SYCP2L: variants seen among roughly 807,000 people sequenced by gnomAD.
SYCP2L encodes the protein synaptonemal complex protein 2-like.
Under a neutral mutation model 125.8 loss-of-function variants are expected in SYCP2L, and 98 were observed. That is an observed-to-expected ratio of 0.78 (90% CI 0.66 to 0.92). The LOEUF is 0.92. Among genes scored for constraint, SYCP2L ranks in the 40% least tolerant of loss-of-function variants. SYCP2L has a pLI of 0.00. For synonymous variants in SYCP2L, 317 were observed against 325.4 expected, an observed-to-expected ratio of 0.97 and a Z score of 0.28; for missense variants, 842 against 936.4, an observed-to-expected ratio of 0.90 and a Z score of 1.32.
chr6:10,907,385 A>G (rs1295929910), intron 9 of SYCP2L, among the ~76,000 whole-genome samples, 157 bp from the exon 10 acceptor site: 1 of 152,128 alleles, frequency 6.6e-6, no homozygotes, highest in Non-Finnish European at 1.5e-5. Flanking sequence ...AAATGATTCT[A>G]ATTACTCCAG....
intron 14 of SYCP2L, among the ~76,000 whole-genome samples, chr6:10,924,244 T>C (rs1178004828): frequency 6.6e-6 from 1 of 152,236 alleles, no homozygotes; most frequent in Non-Finnish European, 1.5e-5. Context: ...CTTCATTTCT[T>C]TGCTGCTAAG....
chr6:10,893,575 A>C (rs1388385411), intron 2 of SYCP2L, among the ~76,000 whole-genome samples: 1 of 152,148 alleles, frequency 6.6e-6, no homozygotes, highest in Non-Finnish European at 1.5e-5. Flanking sequence ...TTCAGCATGC[A>C]CGAGAATCAC....
At position 10,968,918 on chromosome 6, in the gene SYCP2L, G is replaced by A. The variant is rs939132371; in HGVS notation, c.*38-5034G>A. On this transcript the variant is annotated intron_variant, in intron 29 of 29. Transcript: ENST00000283141. ...CATCAGCTGATGGTGGTACCACTTCGTGAGTTTTCTGGCAGAGTCATGGAG... is the reference window on the plus strand; with the variant it reads ...CATCAGCTGATGGTGGTACCACTTCATGAGTTTTCTGGCAGAGTCATGGAG... 3.3e-5 allele frequency among the ~76,000 whole-genome samples: 5 copies of A among 152,302 alleles called. No individual in the cohort carries two copies. The East Asian group carries it at 5.8e-4, about 18-fold the overall frequency.
chr6:10,915,149 C>T (rs57256105), intron 14 of SYCP2L, among the ~76,000 whole-genome samples: 255 of 152,172 alleles, frequency 1.7e-3, no homozygotes, highest in African/African-American at 5.8e-3. Flanking sequence ...GAAGAGCTAC[C>T]GATTTGTGTA....
chr6:10,924,269 A>G (rs79588276), intron 14 of SYCP2L, among the ~76,000 whole-genome samples: 5,351 of 152,310 alleles, frequency 0.035, 133 homozygotes, highest in Non-Finnish European at 0.05. Flanking sequence ...GTTACTTCCA[A>G]TGTTTGCAAG....
Position 10,959,809 on chromosome 6 carries a change from C to T in SYCP2L, c.2255+934C>T, listed in dbSNP as rs148022143. ...GCTTGAACTCGGGAGGCGGAGGTTG[C>T]GGTGAGCTGAGATCATGCCATTGCA... is the stretch of plus-strand genomic sequence containing the variant. On this transcript the variant is annotated intron_variant, in intron 26 of 29. Transcript: ENST00000283141. Among the ~76,000 whole-genome samples, 1,181 of 148,390 alleles carry T rather than the reference C, an allele frequency of 8.0e-3. 20 individuals are homozygous for T. Among genetic ancestry groups the T allele is most frequent in the African/African-American group, 0.027 (1,094 of 40,532 alleles).
intron 21 of SYCP2L, among the ~76,000 whole-genome samples, chr6:10,939,194 T>C (rs553453696): frequency 6.6e-6 from 1 of 152,004 alleles, no homozygotes; most frequent in African/African-American, 2.4e-5. Flanking sequence ...TGAAAGGTCA[T>C]AATCTGAAAA....
chr6:10,892,304 AGTTTT>A (rs1247463546), intron 2 of SYCP2L, among the ~76,000 whole-genome samples: 2 of 152,126 alleles, frequency 1.3e-5, no homozygotes, highest in Non-Finnish European at 1.5e-5. Flanking sequence ...GCCATGGCAA[AGTTTT>A]GTTTTGTTTT....
At chr6:10,903,372 C>T (rs990253149) in intron 8 of SYCP2L, among the ~76,000 whole-genome samples, 1 of 152,078 alleles carries the variant, frequency 6.6e-6, no homozygotes, top group African/African-American at 2.4e-5. Context: ...CACAGTGAAA[C>T]CCTGTCTCCA....
chr6:10,902,936 C>G lies in SYCP2L; in HGVS notation c.614C>G (p.Pro205Arg). 1.9e-6 allele frequency: 3 copies of G among 1,614,116 alleles called. No homozygotes were observed. The highest frequency in any genetic ancestry group is 2.2e-5 in the South Asian group (2 of 91,060). Reference sequence around the variant, plus strand: ...CCTCGAGAAGAGAGAAAAAAATTCCCTTTGTCAGAAGGCATGTGTCATCTT... The same window carrying G: ...CCTCGAGAAGAGAGAAAAAAATTCCGTTTGTCAGAAGGCATGTGTCATCTT... Reference protein sequence around the residue: ...AVPREERKKFPLSEGMCHLMK... With the variant: ...AVPREERKKFRLSEGMCHLMK... The change falls in exon 8 of 30, where the codon CCT becomes CGT. Residue 205 changes from proline to arginine, a missense_variant. Coordinates refer to ENST00000283141, the MANE Select transcript of SYCP2L (RefSeq NM_001040274.3).
rs143836393 is a variant in SYCP2L, at chr6:10,908,523, A to G, written c.819+839A>G. On this transcript the variant is annotated intron_variant, in intron 10 of 29. Coordinates refer to ENST00000283141, the MANE Select transcript of SYCP2L (RefSeq NM_001040274.3). ...AAAATAGCGTATGGCTTTGCTGTGT[A>G]TTCACCTTCATCTTAAAATAGCTAG... Among the ~76,000 whole-genome samples, 15 of 152,208 alleles carry G rather than the reference A, an allele frequency of 9.9e-5. No individual in the cohort carries two copies. The East Asian group carries it at 2.5e-3, about 25-fold the overall frequency.
At chr6:10,911,841 T>C (rs896229979) in intron 12 of SYCP2L, among the ~76,000 whole-genome samples, 3 of 151,280 alleles carry the variant, frequency 2.0e-5, no homozygotes, top group Non-Finnish European at 2.9e-5. Flanking sequence ...TATTGGAAAG[T>C]TGGATTGTAG....
At position 10,912,524 on chromosome 6, in the gene SYCP2L, A is replaced by G; in HGVS notation, c.919-149A>G. On this transcript the variant is annotated intron_variant, in intron 12 of 29. Transcript: ENST00000283141. This position sits in a 1 kb window ranked among gnomAD's most constrained non-coding sequence, Gnocchi z 4.1. ...TAAAATTGAGATCCTTCTGTTTTGC[A>G]CAAAAGAGTCAGTCAATAGAGGCCC... 1.7e-6 allele frequency: 1 copy of G among 591,116 alleles called. No individual in the cohort carries two copies. Among genetic ancestry groups the G allele is most frequent in the Non-Finnish European group, 2.9e-6 (1 of 343,050 alleles). The allele number at this position is 591,116 out of a possible 1,614,324, so 36.6% of individuals were successfully genotyped here.
At chr6:10,926,287 T>C (rs1780895413) in intron 15 of SYCP2L, 52 bp from the exon 16 acceptor site, 2 of 1,353,866 alleles carry the variant, frequency 1.5e-6, no homozygotes, top group Admixed American at 2.0e-5. Context: ...TTAAATTTTT[T>C]TTTTTTTAAA....
chr6:10,945,797 G>A (rs1208705497), intron 23 of SYCP2L, among the ~76,000 whole-genome samples: 1 of 138,980 alleles, frequency 7.2e-6, no homozygotes. Flanking sequence ...AAAAAAAAGA[G>A]TAAGTCTTTA....
At chr6:10,925,948 G>T (rs1344691099) in intron 15 of SYCP2L, among the ~76,000 whole-genome samples, 1 of 152,200 alleles carries the variant, frequency 6.6e-6, no homozygotes, top group African/African-American at 2.4e-5. Context: ...AGAATAGGAG[G>T]CCCCTATTCT....
chr6:10,935,024 A>G, intron 20 of SYCP2L, 34 bp from the exon 21 acceptor site: 1 of 1,521,920 alleles, frequency 6.6e-7, no homozygotes, highest in East Asian at 2.3e-5. Context: ...TTTAATTATG[A>G]ATGTTAACAC....
intron 28 of SYCP2L, 69 bp downstream of exon 28, chr6:10,961,627 T>G (rs1348169988): frequency 6.7e-7 from 1 of 1,498,544 alleles, no homozygotes; most frequent in Non-Finnish European, 9.3e-7. Flanking sequence ...AGCTAGAGAA[T>G]GGGCAGTTGG....
At chr6:10,907,892 G>GTTTTTTTTTTTGTTTT (rs1554105094) in intron 10 of SYCP2L, among the ~76,000 whole-genome samples, 2 of 91,922 alleles carry the variant, frequency 2.2e-5, no homozygotes, top group African/African-American at 8.3e-5. Flanking sequence ...ATACAGATAG[G>GTTTTTTTTTTTGTTTT]TTTTTTTTTT....
Sources: allele counts gnomAD v4.1 joint callset (sites outside exome capture counted in the v4.1 genomes callset), GRCh38; gene constraint gnomAD v4.1.1; non-coding constraint Gnocchi (gnomAD v3.1); transcripts MANE v1.5; gene names NCBI Gene and HGNC (gene_info 2026-07-23, HGNC 2026-07-21).